SGCZ: variants seen among roughly 807,000 people sequenced by gnomAD.
SGCZ encodes the protein sarcoglycan zeta.
Under a neutral mutation model 41.3 loss-of-function variants are expected in SGCZ, and 40 were observed. The observed-to-expected ratio is 0.97, with a 90% CI of 0.75 to 1.26. The LOEUF (loss-of-function observed/expected upper bound fraction) is 1.26, where lower values mean the gene tolerates loss of function less well. Ranked by LOEUF, SGCZ falls within the 50% of genes most tolerant of loss-of-function variation. The pLI is 0.00. For synonymous variants in SGCZ, 206 were observed against 137.5 expected (o/e 1.50, Z -3.49); for missense variants, 552 against 369.8 (o/e 1.49, Z -4.04).
chr8:14,123,873 C>A (rs1802773591), intron 5 of SGCZ, among the ~76,000 whole-genome samples: 1 of 152,100 alleles, frequency 6.6e-6, no homozygotes, highest in Non-Finnish European at 1.5e-5. Flanking sequence ...GATTATCCTG[C>A]ATTATCTAGG....
intron 1 of SGCZ, among the ~76,000 whole-genome samples, chr8:15,036,999 T>C (rs1013212864): frequency 3.9e-5 from 6 of 152,138 alleles, no homozygotes; most frequent in Admixed American, 2.0e-4. Flanking sequence ...AACTATAAGA[T>C]AATCTCAACA....
intron 5 of SGCZ, 37 bp downstream of exon 5, chr8:14,164,543 G>T (rs199521339): frequency 6.2e-7 from 1 of 1,611,030 alleles, no homozygotes; most frequent in Admixed American, 1.7e-5. Flanking sequence ...ATTCTTTAAA[G>T]AAGTAAACAA....
intron 1 of SGCZ, among the ~76,000 whole-genome samples, chr8:14,852,440 G>T (rs1803363335): frequency 6.6e-6 from 1 of 152,132 alleles, no homozygotes; most frequent in African/African-American, 2.4e-5. Flanking sequence ...TGTAACTCAA[G>T]AAAGGAAGCT....
At chr8:14,201,986 G>A (rs1490166149) in intron 4 of SGCZ, among the ~76,000 whole-genome samples, 1 of 152,124 alleles carries the variant, frequency 6.6e-6, no homozygotes, top group African/African-American at 2.4e-5. Flanking sequence ...ATAATATGCA[G>A]AATAATGAAA....
chr8:14,527,759 C>T (rs1001929871), intron 2 of SGCZ, among the ~76,000 whole-genome samples: 9 of 152,052 alleles, frequency 5.9e-5, no homozygotes, highest in African/African-American at 2.2e-4. Flanking sequence ...GTCTAACAGC[C>T]CCAGATTAGA....
chr8:14,738,886 G>A (rs1249504726), intron 1 of SGCZ, among the ~76,000 whole-genome samples: 1 of 152,056 alleles, frequency 6.6e-6, no homozygotes, highest in Non-Finnish European at 1.5e-5. Context: ...TTTGCCTACT[G>A]CAGATAAGAG....
chr8:14,754,319 T>C (rs370848050), intron 1 of SGCZ, among the ~76,000 whole-genome samples: 1 of 152,226 alleles, frequency 6.6e-6, no homozygotes, highest in African/African-American at 2.4e-5. Context: ...CAGTCTTCCC[T>C]TTCTCAGCAT....
intron 1 of SGCZ, among the ~76,000 whole-genome samples, chr8:14,717,299 T>C (rs1397012939): frequency 6.6e-6 from 1 of 152,172 alleles, no homozygotes; most frequent in African/African-American, 2.4e-5. Flanking sequence ...ATGCTTTCTT[T>C]CCTGTGTTAA....
chr8:14,877,790 G>GTT (rs2094124912), intron 1 of SGCZ, among the ~76,000 whole-genome samples: 1 of 151,836 alleles, frequency 6.6e-6, no homozygotes, highest in Non-Finnish European at 1.5e-5. Context: ...ATATTTATTC[G>GTT]TTTTTTTATG....
chr8:14,572,222 T>C (rs1804576714), intron 1 of SGCZ, among the ~76,000 whole-genome samples: 1 of 152,200 alleles, frequency 6.6e-6, no homozygotes, highest in South Asian at 2.1e-4. Flanking sequence ...AGCTTATCTT[T>C]TTTTATATTT....
chr8:14,653,927 C>G (rs774722501), intron 1 of SGCZ, among the ~76,000 whole-genome samples: 1 of 152,046 alleles, frequency 6.6e-6, no homozygotes, highest in Non-Finnish European at 1.5e-5. Flanking sequence ...AAGCATTTCA[C>G]CAATTAAAAG....
At chr8:14,636,002 G>C (rs1327314203) in intron 1 of SGCZ, among the ~76,000 whole-genome samples, 2 of 151,762 alleles carry the variant, frequency 1.3e-5, no homozygotes, top group African/African-American at 4.8e-5. Flanking sequence ...AATCAAAAGA[G>C]GCTTGCAAAA....
chr8:14,318,904 G>T (rs942277679), intron 3 of SGCZ, among the ~76,000 whole-genome samples: 2 of 151,488 alleles, frequency 1.3e-5, no homozygotes, highest in African/African-American at 4.8e-5. Context: ...AAAGAAGATT[G>T]TAGACCAAAG....
Position 14,468,764 on chromosome 8 carries a change from C to T in SGCZ, c.234+85968G>A, listed in dbSNP as rs116588520. Among the ~76,000 whole-genome samples, 1,456 of 152,148 alleles carry T rather than the reference C, an allele frequency of 9.6e-3. 35 individuals are homozygous for T. Among genetic ancestry groups the T allele is most frequent in the African/African-American group, 0.032 (1,322 of 41,524 alleles). Reference sequence around the variant, plus strand: ...CCTAGACTTTCAATTCAGTAACTCTCCATAAAATTAGCCTGATGATTTTCA... The same window carrying T: ...CCTAGACTTTCAATTCAGTAACTCTTCATAAAATTAGCCTGATGATTTTCA... On this transcript the variant is annotated intron_variant, in intron 2 of 7. Transcript: ENST00000382080.
intron 2 of SGCZ, among the ~76,000 whole-genome samples, chr8:14,547,314 G>C (rs1022812633): frequency 2.6e-5 from 4 of 152,058 alleles, no homozygotes; most frequent in Admixed American, 2.6e-4. Context: ...TCATTCAGAC[G>C]GCCAGAAAGG....
intron 1 of SGCZ, among the ~76,000 whole-genome samples, chr8:14,984,750 CT>C (rs1801775446): frequency 6.6e-6 from 1 of 152,108 alleles, no homozygotes; most frequent in African/African-American, 2.4e-5. Context: ...TTCCAAGACA[CT>C]TTTAATCATT....
chr8:15,032,821 A>T (rs886872766), intron 1 of SGCZ, among the ~76,000 whole-genome samples: 2 of 151,886 alleles, frequency 1.3e-5, no homozygotes, highest in Non-Finnish European at 2.9e-5. Context: ...AGCACCCACA[A>T]ACTCAACTTC....
intron 1 of SGCZ, among the ~76,000 whole-genome samples, chr8:14,555,561 A>G (rs544455183): frequency 2.6e-5 from 4 of 152,180 alleles, no homozygotes; most frequent in East Asian, 1.9e-4. Flanking sequence ...TACAGCCTGT[A>G]GAACTAGGAG....
intron 3 of SGCZ, among the ~76,000 whole-genome samples, chr8:14,305,781 G>A (rs925851737): frequency 6.6e-6 from 1 of 152,018 alleles, no homozygotes; most frequent in East Asian, 1.9e-4. Flanking sequence ...ACTTAAATCC[G>A]GGCTCAACCT....
Sources: allele counts gnomAD v4.1 joint callset (sites outside exome capture counted in the v4.1 genomes callset), GRCh38; gene constraint gnomAD v4.1.1; transcripts MANE v1.5; gene names NCBI Gene and HGNC (gene_info 2026-07-23, HGNC 2026-07-21).